Variants in CUBN observed in about 807,000 individuals in gnomAD.
CUBN encodes the protein 460 kDa receptor.
A neutral mutation model predicts 405.3 loss-of-function variants in CUBN; 282 were observed. That is an observed-to-expected ratio of 0.70 (90% CI 0.63 to 0.77). CUBN has a LOEUF of 0.77. CUBN is among the 30% of genes least tolerant of loss of function. The pLI, the probability that CUBN is intolerant of heterozygous loss-of-function variation, is 0.00. For missense variants in CUBN, 4,514 were observed against 4,475.2 expected (o/e 1.01, Z -0.25); for synonymous variants, 1,684 against 1,617.0 (o/e 1.04, Z -0.99).
In CUBN at chr10:16,825,244, A is replaced by G. The variant is rs1176436574; in HGVS notation, c.10765-162T>C. ...GTAACCTTGCAAAGAATGAATGCAAATGCTTTACAAAGGAATATTTCTGGG... is the reference window on the plus strand; with the variant it reads ...GTAACCTTGCAAAGAATGAATGCAAGTGCTTTACAAAGGAATATTTCTGGG... On this transcript the variant is annotated intron_variant, in intron 66 of 66. Coordinates refer to ENST00000377833, the MANE Select transcript of CUBN (RefSeq NM_001081.4). Among the ~76,000 whole-genome samples, 6 of 152,292 alleles carry G rather than the reference A, an allele frequency of 3.9e-5. 1 individual carries two copies. The South Asian group carries it at 6.2e-4, about 16-fold the overall frequency.
rs1405780825 is a variant in CUBN at position 16,933,014 on chromosome 10, A to C, written c.6124+73T>G. The C allele has an allele frequency of 1.1e-5, 17 of 1,483,246 alleles. No individual in the cohort carries two copies. The Admixed American group carries it at 2.9e-4, about 25-fold the overall frequency. 91.9% of individuals were successfully genotyped at this position (1,483,246 alleles called of 1,614,324 possible). A position where few individuals can be genotyped will look rare whatever the true frequency, so the allele number is the denominator to read the frequency against. Reference sequence around the variant, plus strand: ...AACCAAACGGATGGAGGCAGTATGCAAGTCTGATGATAATGGACTAGAACT... The same window carrying C: ...AACCAAACGGATGGAGGCAGTATGCCAGTCTGATGATAATGGACTAGAACT... On this transcript the variant is annotated intron_variant, in intron 40 of 66. Coordinates refer to ENST00000377833, the MANE Select transcript of CUBN (RefSeq NM_001081.4).
chr10:16,920,110 T>A lies in CUBN; in HGVS notation c.6674A>T (p.Asp2225Val). 6.2e-7 allele frequency: 1 copy of A among 1,613,992 alleles called. No homozygotes were observed. The highest frequency in any genetic ancestry group is 8.5e-7 in the Non-Finnish European group (1 of 1,179,968). ...GGTCACATACCCAGCAGAATCAGCA[T>A]CATGGATGTAGACGTTGCCCCCACA... Reference protein sequence around the residue: ...LACGGNVYIHDADSAGYVTSP... With the variant: ...LACGGNVYIHVADSAGYVTSP... Residue 2225 changes from aspartate to valine, a missense_variant, in exon 44 of 67, where the codon GAT becomes GTT. Physicochemically the swap from Asp to Val is radical, Grantham distance 152 (BLOSUM62 -3). Transcript: ENST00000377833.
intron 41 of CUBN, among the ~76,000 whole-genome samples, chr10:16,927,486 T>C (rs1842225724): frequency 6.6e-6 from 1 of 152,186 alleles, no homozygotes; most frequent in South Asian, 2.1e-4. Context: ...ATGGAGGAAA[T>C]ATTAGATTAA....
intron 10 of CUBN, 35 bp downstream of exon 10, chr10:17,109,605 A>G (rs756812177): frequency 6.5e-7 from 1 of 1,532,650 alleles, no homozygotes; most frequent in Non-Finnish European, 9.0e-7. Context: ...GTCATATTAC[A>G]ATACCCAAAG....
intron 29 of CUBN, among the ~76,000 whole-genome samples, chr10:16,987,788 G>A (rs921922625): frequency 1.3e-5 from 2 of 152,168 alleles, no homozygotes; most frequent in African/African-American, 2.4e-5. Flanking sequence ...TTATTACAGC[G>A]TTTTCCAAAT....
At chr10:16,941,858 T>A (rs2131610105) in intron 36 of CUBN, among the ~76,000 whole-genome samples, 1 of 151,902 alleles carries the variant, frequency 6.6e-6, no homozygotes. Context: ...TATATATATT[T>A]AAAAAAATGA....
At chr10:17,005,685 G>A (rs1302120738) in intron 28 of CUBN, among the ~76,000 whole-genome samples, 1 of 152,072 alleles carries the variant, frequency 6.6e-6, no homozygotes, top group African/African-American at 2.4e-5. Context: ...ATGGCGTCCT[G>A]GATTATGTAT....
intron 60 of CUBN, among the ~76,000 whole-genome samples, chr10:16,848,537 G>A (rs915697271): frequency 6.6e-5 from 10 of 152,026 alleles, no homozygotes; most frequent in African/African-American, 2.2e-4. Context: ...AGGAATCGGG[G>A]AGATTAGGAA....
chr10:16,957,288 T>C (rs937368780), intron 31 of CUBN, among the ~76,000 whole-genome samples: 1 of 152,198 alleles, frequency 6.6e-6, no homozygotes, highest in Non-Finnish European at 1.5e-5. Flanking sequence ...CATCATGCAA[T>C]ATTTATCTTT....
At chr10:17,121,195 GA>G (rs1258175833) in intron 6 of CUBN, among the ~76,000 whole-genome samples, 2 of 152,208 alleles carry the variant, frequency 1.3e-5, no homozygotes, top group East Asian at 3.9e-4. Flanking sequence ...TGAACTCATA[GA>G]CATATCTAGT....
chr10:16,925,723 T>C lies in CUBN; in HGVS notation c.6323A>G (p.Tyr2108Cys), dbSNP rs376177768. ...ADRGIITSPKYPETYPSNLNC... is the reference protein window; with the variant it reads ...ADRGIITSPKCPETYPSNLNC... Reference sequence around the variant, plus strand: ...GAGGTTGGATGGGTAAGTCTCTGGATACTTGGGGGACGTGATGATCCCTCT... The same window carrying C: ...GAGGTTGGATGGGTAAGTCTCTGGACACTTGGGGGACGTGATGATCCCTCT... Residue 2108 changes from tyrosine (Y) to cysteine (C), a missense_variant, in exon 42 of 67, where the codon TAT becomes TGT. Coordinates refer to ENST00000377833, the MANE Select transcript of CUBN (RefSeq NM_001081.4). 1.7e-5 allele frequency: 28 copies of C among 1,613,898 alleles called. No homozygotes were observed. The highest frequency in any genetic ancestry group is 2.3e-5 in the Non-Finnish European group (27 of 1,179,966).
chr10:17,018,198 G>A (rs1171585175), intron 28 of CUBN, among the ~76,000 whole-genome samples: 3 of 152,114 alleles, frequency 2.0e-5, no homozygotes, highest in Non-Finnish European at 2.9e-5. Flanking sequence ...GAGGTGCCCG[G>A]TATATAGCCC....
intron 12 of CUBN, 63 bp from the exon 13 acceptor site, chr10:17,103,300 G>T: frequency 2.1e-6 from 2 of 970,678 alleles, no homozygotes; most frequent in Non-Finnish European, 3.4e-6. Flanking sequence ...TTGGGCAACT[G>T]TAACCCTGCT....
Position 16,871,265 on chromosome 10 carries a change from C to A in CUBN, c.9237-1412G>T, listed in dbSNP as rs751991075. Among the ~76,000 whole-genome samples the A allele has an allele frequency of 7.2e-5, 11 of 151,916 alleles. No individual in the cohort carries two copies. The South Asian group carries it at 2.3e-3, about 32-fold the overall frequency. On this transcript the variant is annotated intron_variant, in intron 58 of 66. Transcript: ENST00000377833. ...CCATGTTGGCCAGGCTGGTCTTGAA[C>A]TTCTGACCTCAGGTGACCTGCCTGC...
At chr10:16,914,863 T>C (rs532814512) in intron 47 of CUBN, among the ~76,000 whole-genome samples, 169 bp downstream of exon 47, 1 of 152,314 alleles carries the variant, frequency 6.6e-6, no homozygotes, top group South Asian at 2.1e-4. Context: ...CCTTATAGCA[T>C]TGATCACAGC....
rs190846855 is a variant in CUBN at position 17,090,377 on chromosome 10, G to A, written c.1766-2032C>T. ...AAACTAATAAAAACTGTTCTCTAAT[G>A]GGGGAGAAAGAACAGAGTGGAAGGG... is the stretch of plus-strand genomic sequence containing the variant. On this transcript the variant is annotated intron_variant, in intron 14 of 66. Transcript: ENST00000377833. 9.9e-5 allele frequency among the ~76,000 whole-genome samples: 15 copies of A among 152,100 alleles called. 1 individual carries two copies. In the East Asian group the frequency reaches 2.9e-3, roughly 29 times the overall value.
intron 11 of CUBN, 79 bp from the exon 12 acceptor site, chr10:17,104,684 G>A: frequency 1.3e-6 from 1 of 758,362 alleles, no homozygotes; most frequent in South Asian, 1.5e-5. Context: ...TAATAGGAAT[G>A]TAGTGCCATG....
Position 17,124,044 on chromosome 10 carries a change from G to A in CUBN, c.388-355C>T, listed in dbSNP as rs150391282. Among the ~76,000 whole-genome samples the A allele has an allele frequency of 5.4e-3, 817 of 152,256 alleles. 11 individuals carry two copies. Among genetic ancestry groups the A allele is most frequent in the African/African-American group, 0.019 (788 of 41,540 alleles). On this transcript the variant is annotated intron_variant, in intron 4 of 66. Transcript: ENST00000377833. ...TTCAGGTGTGGAAATAATAATGGAT[G>A]TTGCTATTGCACAAAGAAAATAAAA...
Position 17,055,854 on chromosome 10 carries a change from T to G in CUBN, c.3140-8251A>C, listed in dbSNP as rs116599950. Among the ~76,000 whole-genome samples, 548 of 152,204 alleles carry G rather than the reference T, an allele frequency of 3.6e-3. 4 individuals carry two copies. Among genetic ancestry groups the G allele is most frequent in the African/African-American group, 0.013 (523 of 41,528 alleles). The stretch of plus-strand genomic sequence containing the variant: ...GATGACCTTTATCCCCAAATTGGTC[T>G]GTAAATTCAATGCAATCTCAATCAA... On this transcript the variant is annotated intron_variant, in intron 22 of 66. Coordinates refer to ENST00000377833, the MANE Select transcript of CUBN (RefSeq NM_001081.4).
Sources: allele counts gnomAD v4.1 joint callset (sites outside exome capture counted in the v4.1 genomes callset), GRCh38; gene constraint gnomAD v4.1.1; transcripts MANE v1.5; gene names NCBI Gene and HGNC (gene_info 2026-07-23, HGNC 2026-07-21).